The following TUBGCP3 variants were observed in gnomAD, a reference collection of about 807,000 sequenced individuals.
The protein encoded by TUBGCP3 is tubulin gamma complex component 3, also known as gamma-tubulin complex component 3.
A neutral mutation model predicts 123.1 loss-of-function variants in TUBGCP3; 50 were observed. The observed-to-expected ratio is 0.41, with a 90% CI of 0.32 to 0.51. TUBGCP3 has a LOEUF of 0.51. Ranked by LOEUF, TUBGCP3 falls within the 20% of genes least tolerant of loss-of-function variation. TUBGCP3 has a pLI of 0.36. For missense variants in TUBGCP3, 882 were observed against 1,127.0 expected (o/e 0.78, Z 3.11); for synonymous variants, 405 against 413.9 (o/e 0.98, Z 0.26).
At chr13:112,537,316 G>C (rs9550127) in intron 11 of TUBGCP3, among the ~76,000 whole-genome samples, 1 of 151,962 alleles carries the variant, frequency 6.6e-6, no homozygotes, top group African/African-American at 2.4e-5. Flanking sequence ...CCCTTTATTA[G>C]TTATGTTCCT....
At chr13:112,596,223 G>T in the TUBGCP3 span, among the ~76,000 whole-genome samples, 2 of 152,062 alleles carry the variant, frequency 1.3e-5, no homozygotes, top group Non-Finnish European at 2.9e-5. Flanking sequence ...TCTTTTCATT[G>T]TACTTTCTTC....
rs1211497143 is a variant in TUBGCP3 at position 112,545,487 on chromosome 13, T to G, written c.1335+212A>C. On this transcript the variant is annotated intron_variant, in intron 11 of 21. Coordinates refer to ENST00000261965, the MANE Select transcript of TUBGCP3 (RefSeq NM_006322.6). This position sits in a 1 kb window ranked among gnomAD's most constrained non-coding sequence, Gnocchi z 4.1. ...TTGCTGAGGAATAAACTGGGACAAT[T>G]CTCCACTAACCAAAGAACTCGTGAA... The G allele has an allele frequency of 2.9e-5, 15 of 525,962 alleles. No individual in the cohort carries two copies. The highest frequency in any genetic ancestry group is 6.2e-5 in the Admixed American group (2 of 32,044). 32.6% of individuals were successfully genotyped at this position (525,962 alleles called of 1,614,324 possible). A position where few individuals can be genotyped will look rare whatever the true frequency, so the allele number is the denominator to read the frequency against.
chr13:112,525,028 A>C (rs1265912622), intron 13 of TUBGCP3, among the ~76,000 whole-genome samples: 1 of 152,178 alleles, frequency 6.6e-6, no homozygotes, highest in African/African-American at 2.4e-5. Context: ...TCCTGTCCAG[A>C]GAGCCAAGTC....
chr13:112,556,334 T>A (rs1348720459), intron 5 of TUBGCP3, 110 bp from the exon 6 acceptor site: 3 of 1,060,450 alleles, frequency 2.8e-6, no homozygotes, highest in Non-Finnish European at 4.1e-6. Context: ...AATTTATAAA[T>A]CTGGTATAGC....
At chr13:112,517,577 G>T (rs995124925) in intron 16 of TUBGCP3, among the ~76,000 whole-genome samples, 1 of 152,180 alleles carries the variant, frequency 6.6e-6, no homozygotes, top group Non-Finnish European at 1.5e-5. Context: ...CAAGGCAGGA[G>T]ATATGAAAGT....
intron 11 of TUBGCP3, among the ~76,000 whole-genome samples, chr13:112,529,994 T>A (rs2139103071): frequency 6.6e-6 from 1 of 152,296 alleles, no homozygotes; most frequent in East Asian, 1.9e-4. Context: ...AACGGTATCT[T>A]CAGAAGAAAC....
At chr13:112,488,003 G>A (rs181427388) in intron 21 of TUBGCP3, among the ~76,000 whole-genome samples, 173 of 151,672 alleles carry the variant, frequency 1.1e-3, no homozygotes, top group Non-Finnish European at 2.2e-3. Flanking sequence ...GTGGTGGCGC[G>A]TGCCTGTAAT....
intron 21 of TUBGCP3, among the ~76,000 whole-genome samples, chr13:112,487,354 G>T (rs1257445486): frequency 6.6e-6 from 1 of 152,130 alleles, no homozygotes; most frequent in Non-Finnish European, 1.5e-5. Context: ...TGCTGTTACA[G>T]AAAAGAATCT....
chr13:112,536,944 T>TC (rs1477596250), intron 11 of TUBGCP3, among the ~76,000 whole-genome samples: 4 of 151,972 alleles, frequency 2.6e-5, no homozygotes, highest in African/African-American at 7.3e-5. Context: ...GCTCATTTTT[T>TC]CTTAATCTTT....
rs573693484 is a variant in TUBGCP3 at position 112,515,317 on chromosome 13, C to A, written c.2086+1123G>T. ...AGCATCGGTTTGGCCTTGAATTGGTCTAAATCCACTACAAGAAAGATGCTG... is the reference window on the plus strand; with the variant it reads ...AGCATCGGTTTGGCCTTGAATTGGTATAAATCCACTACAAGAAAGATGCTG... On this transcript the variant is annotated intron_variant, in intron 17 of 21. Transcript: ENST00000261965. Among the ~76,000 whole-genome samples the A allele has an allele frequency of 8.5e-5, 13 of 152,266 alleles. 1 individual carries two copies. In the South Asian group the frequency reaches 2.1e-3, roughly 24 times the overall value.
At chr13:112,557,845 A>T (rs1388884507) in intron 5 of TUBGCP3, among the ~76,000 whole-genome samples, 1 of 152,250 alleles carries the variant, frequency 6.6e-6, no homozygotes, top group Non-Finnish European at 1.5e-5. Context: ...ACATACATCA[A>T]TGAAGAGGCC....
chr13:112,522,519 A>G lies in TUBGCP3; in HGVS notation c.1556-10T>C, dbSNP rs1463287950. 1 of 1,606,592 alleles carries G rather than the reference A, an allele frequency of 6.2e-7. No individual in the cohort carries two copies. Among genetic ancestry groups the G allele is most frequent in the Non-Finnish European group, 8.5e-7 (1 of 1,173,810 alleles). Reference sequence around the variant, plus strand: ...GTGAATAGGTCTGCAGCTGTAAAGAACAACAGGGAAGAGCACACATGCATA... The same window carrying G: ...GTGAATAGGTCTGCAGCTGTAAAGAGCAACAGGGAAGAGCACACATGCATA... On this transcript the variant is annotated splice_polypyrimidine_tract_variant and intron_variant, in intron 13 of 21. Coordinates refer to ENST00000261965, the MANE Select transcript of TUBGCP3 (RefSeq NM_006322.6).
At chr13:112,503,892 G>A in intron 19 of TUBGCP3, 140 bp downstream of exon 19, 2 of 1,143,600 alleles carry the variant, frequency 1.7e-6, no homozygotes, top group Admixed American at 2.6e-5. Flanking sequence ...ACCTTCAACA[G>A]TAAACTTTTA....
chr13:112,515,389 T>C (rs1383322227), intron 17 of TUBGCP3, among the ~76,000 whole-genome samples: 3 of 152,102 alleles, frequency 2.0e-5, no homozygotes, highest in Admixed American at 6.5e-5. Flanking sequence ...GTGGTATTCA[T>C]AAGAACACAG....
chr13:112,517,630 T>C (rs998012696), intron 16 of TUBGCP3, among the ~76,000 whole-genome samples: 1 of 152,226 alleles, frequency 6.6e-6, no homozygotes, highest in South Asian at 2.1e-4. Flanking sequence ...CGGTGGCTCA[T>C]GCCTATAATC....
chr13:112,526,225 C>G (rs1392492725), intron 13 of TUBGCP3, among the ~76,000 whole-genome samples: 3 of 151,294 alleles, frequency 2.0e-5, no homozygotes, highest in Admixed American at 1.3e-4. Flanking sequence ...TCATCACCAC[C>G]CATCCCCATC....
Position 112,498,322 on chromosome 13 carries a change from G to T in TUBGCP3, c.2448+723C>A, listed in dbSNP as rs72656142. Among the ~76,000 whole-genome samples the T allele has an allele frequency of 9.3e-3, 1,422 of 152,204 alleles. 15 individuals carry two copies. Among genetic ancestry groups the T allele is most frequent in the Middle Eastern group, 0.024 (7 of 294 alleles). On this transcript the variant is annotated intron_variant, in intron 20 of 21. Transcript: ENST00000261965. ...GCAGTATTTGCATATACATAACGAG[G>T]TATCTCGGAGAGGGGATGCAAGTCT...
chr13:112,530,974 G>GT (rs1445035772), intron 11 of TUBGCP3, among the ~76,000 whole-genome samples: 1 of 152,158 alleles, frequency 6.6e-6, no homozygotes, highest in African/African-American at 2.4e-5. Context: ...AAAGAATCAA[G>GT]TAATTCTAGC....
At chr13:112,486,867 A>G (rs1045471680) in intron 21 of TUBGCP3, among the ~76,000 whole-genome samples, 4 of 152,354 alleles carry the variant, frequency 2.6e-5, no homozygotes, top group Admixed American at 2.0e-4. Flanking sequence ...GAAAGGCCTC[A>G]TCTGCAGAGA....
Sources: gnomAD v4.1 joint callset for allele counts (sites outside exome capture counted in the v4.1 genomes callset) on GRCh38, gnomAD v4.1.1 for gene constraint, Gnocchi (gnomAD v3.1) non-coding constraint, MANE v1.5 for transcripts, NCBI Gene and HGNC (gene_info 2026-07-23, HGNC 2026-07-21) for gene names.